Variants in URI1 observed in about 807,000 individuals in gnomAD.
URI1 encodes the protein URI1 prefoldin like chaperone, also known as unconventional prefoldin RPB5 interactor 1.
URI1 carries 39 observed loss-of-function variants against 60.2 expected under a neutral mutation model. The observed-to-expected ratio is 0.65, with a 90% CI of 0.50 to 0.85. The LOEUF (loss-of-function observed/expected upper bound fraction) is 0.85. Ranked by LOEUF, URI1 falls within the 40% of genes least tolerant of loss-of-function variation. URI1 has a pLI of 0.00. For synonymous variants in URI1, 251 were observed against 236.8 expected, an observed-to-expected ratio of 1.06 and a Z score of -0.55; for missense variants, 691 against 665.9, an observed-to-expected ratio of 1.04 and a Z score of -0.42.
intron 1 of URI1, among the ~76,000 whole-genome samples, chr19:29,949,935 A>AC (rs1402056759): frequency 7.4e-6 from 1 of 135,670 alleles, no homozygotes; most frequent in Admixed American, 7.2e-5. Flanking sequence ...GGGAGACGGG[A>AC]GGGGGAGGGG....
At chr19:29,956,243 A>G in intron 1 of URI1, 1 of 552,720 alleles carries the variant, frequency 1.8e-6, no homozygotes, top group Non-Finnish European at 3.0e-6. Context: ...CGGCCTCCCA[A>G]AATTTTACAG....
At chr19:29,931,554 G>A (rs561279166) in intron 1 of URI1, among the ~76,000 whole-genome samples, 48 of 152,208 alleles carry the variant, frequency 3.2e-4, no homozygotes, top group African/African-American at 8.7e-4. Context: ...TCCCATTGGT[G>A]GTTAGGGCAC....
intron 1 of URI1, among the ~76,000 whole-genome samples, chr19:29,959,158 C>T (rs2055289379): frequency 6.6e-6 from 1 of 152,090 alleles, no homozygotes. Context: ...AACAGAATCT[C>T]GCTCTCATCC....
chr19:30,005,518 T>C, intron 5 of URI1, 66 bp downstream of exon 5: 1 of 1,493,676 alleles, frequency 6.7e-7, no homozygotes, highest in Non-Finnish European at 9.1e-7. Context: ...GAAGCTATCT[T>C]ACAGCCAAGG....
At chr19:29,961,134 A>G (rs1039036030) in intron 1 of URI1, among the ~76,000 whole-genome samples, 53 of 152,044 alleles carry the variant, frequency 3.5e-4, no homozygotes, top group African/African-American at 1.2e-3. Flanking sequence ...GTGCTGGGAA[A>G]TAGGCATGAG....
intron 4 of URI1, among the ~76,000 whole-genome samples, chr19:29,992,500 C>T (rs2055759162): frequency 6.6e-6 from 1 of 152,130 alleles, no homozygotes; most frequent in African/African-American, 2.4e-5. Context: ...TTGGCATTCC[C>T]CCGTTTTTGT....
chr19:29,986,358 A>G lies in URI1; in HGVS notation c.308A>G (p.Asn103Ser), dbSNP rs771980248. 7 of 1,610,814 alleles carry G rather than the reference A, an allele frequency of 4.3e-6. No homozygotes were observed. The highest frequency in any genetic ancestry group is 2.7e-5 in the African/African-American group (2 of 74,874). ...TNEVTVLLGD[N>S]WFAKCSAKQA... ...GAAGTCACTGTTTTACTGGGGGACA[A>G]CTGGTTTGCAAAGTGCTCAGCAAAG... The change falls in exon 4 of 11, where the codon AAC (asparagine) becomes AGC (serine). Residue 103 changes from asparagine to serine, a missense_variant. Coordinates refer to ENST00000392271, the MANE Select transcript of URI1 (RefSeq NM_003796.3).
At chr19:29,945,271 G>T (rs1286028287) in intron 1 of URI1, among the ~76,000 whole-genome samples, 1 of 152,230 alleles carries the variant, frequency 6.6e-6, no homozygotes. Context: ...TGGGAGCCTT[G>T]ATTGAGAGGG....
At chr19:29,934,711 T>A (rs117123214) in intron 1 of URI1, among the ~76,000 whole-genome samples, 5,102 of 152,166 alleles carry the variant, frequency 0.034, 112 homozygotes, top group Non-Finnish European at 0.048. Flanking sequence ...TATTTTTTTT[T>A]AATTTTATTT....
intron 1 of URI1, among the ~76,000 whole-genome samples, chr19:29,931,157 C>CA (rs1041075312): frequency 1.3e-4 from 19 of 151,752 alleles, no homozygotes; most frequent in Non-Finnish European, 2.2e-4. Context: ...CCTACTTCTG[C>CA]AAAAAAAATG....
intron 3 of URI1, 139 bp downstream of exon 3, chr19:29,985,440 T>C: frequency 1.7e-6 from 1 of 602,996 alleles, no homozygotes; most frequent in East Asian, 3.0e-5. Flanking sequence ...TGTTTTACTT[T>C]ATAAGAACAC....
At chr19:29,980,922 CAAA>C (rs5827686) in intron 2 of URI1, among the ~76,000 whole-genome samples, 7 of 68,590 alleles carry the variant, frequency 1.0e-4, no homozygotes, top group Admixed American at 3.3e-4. Flanking sequence ...ACTCCATCTC[CAAA>C]AAAAAAAAAA....
chr19:30,014,653 T>C (rs1216367643), intron 10 of URI1, among the ~76,000 whole-genome samples: 1 of 152,220 alleles, frequency 6.6e-6, no homozygotes, highest in Non-Finnish European at 1.5e-5. Flanking sequence ...ATTTACATTT[T>C]ACATTTTGTT....
chr19:29,925,194 C>G (rs1370951400), intron 1 of URI1, among the ~76,000 whole-genome samples: 1 of 152,252 alleles, frequency 6.6e-6, no homozygotes, highest in South Asian at 2.1e-4. Flanking sequence ...CCAATTCTTG[C>G]AGCTACAAGG....
At chr19:29,978,121 T>TAGA (rs2145348560) in intron 2 of URI1, among the ~76,000 whole-genome samples, 1 of 152,356 alleles carries the variant, frequency 6.6e-6, no homozygotes, top group South Asian at 2.1e-4. Flanking sequence ...AACTTGTAAT[T>TAGA]AGAATTTATT....
At chr19:29,938,163 G>A (rs780508216), upstream of URI1, among the ~76,000 whole-genome samples, 1 of 152,110 alleles carries the variant, frequency 6.6e-6, no homozygotes, top group South Asian at 2.1e-4. Context: ...AGCCAAGGCT[G>A]GGTAATTTGT....
intron 2 of URI1, among the ~76,000 whole-genome samples, chr19:29,983,624 C>T (rs1477259464): frequency 6.6e-6 from 1 of 152,148 alleles, no homozygotes; most frequent in African/African-American, 2.4e-5. Context: ...CAACATCCTT[C>T]TGCTTAAAAA....
At chr19:29,969,459 A>G (rs1177752541) in intron 1 of URI1, among the ~76,000 whole-genome samples, 2 of 152,228 alleles carry the variant, frequency 1.3e-5, no homozygotes, top group East Asian at 1.9e-4. Context: ...ACTATCTTCT[A>G]TAACCTTTAA....
At chr19:29,928,352 A>G (rs2054888463) in intron 1 of URI1, among the ~76,000 whole-genome samples, 2 of 152,134 alleles carry the variant, frequency 1.3e-5, no homozygotes, top group African/African-American at 2.4e-5. Flanking sequence ...ACATGCATCC[A>G]AGGCTGAGAA....
Sources: gnomAD v4.1 joint callset for allele counts (sites outside exome capture counted in the v4.1 genomes callset) on GRCh38, gnomAD v4.1.1 for gene constraint, MANE v1.5 for transcripts, NCBI Gene and HGNC (gene_info 2026-07-23, HGNC 2026-07-21) for gene names.